Variants in ELMO3 observed in about 807,000 individuals in gnomAD.
The protein encoded by ELMO3 is engulfment and cell motility protein 3.
In ELMO3, 81 loss-of-function variants were observed where a neutral mutation model predicts 89.0. The observed-to-expected ratio is 0.91, with a 90% CI of 0.76 to 1.09. ELMO3 has a LOEUF of 1.09. Ranked by LOEUF, ELMO3 falls within the 50% of genes least tolerant of loss-of-function variation. The pLI is 0.00. For missense variants in ELMO3, 959 were observed against 972.8 expected (o/e 0.99, Z 0.19); for synonymous variants, 406 against 400.6 (o/e 1.01, Z -0.16).
Position 67,200,268 on chromosome 16 carries a change from T to A in ELMO3, c.320T>A (p.Leu107His). The change falls in exon 5 of 20, where the codon CTT becomes CAT. Residue 107 changes from leucine to histidine, a missense_variant. By Grantham distance (99) the Leu-to-His change is moderately conservative. Coordinates refer to ENST00000393997, the MANE Select transcript of ELMO3 (RefSeq NM_024712.5). ...PEGRREALRRLVPLASDMIFA... is the reference protein window; with the variant it reads ...PEGRREALRRHVPLASDMIFA... Reference sequence around the variant, plus strand: ...GGGCGCCGGGAAGCCCTGAGGCGCCTTGTTCCGCTGGCCTCGGACATGATC... The same window carrying A: ...GGGCGCCGGGAAGCCCTGAGGCGCCATGTTCCGCTGGCCTCGGACATGATC... The A allele has an allele frequency of 6.2e-7, 1 of 1,613,796 alleles. No individual in the cohort carries two copies.
At chr16:67,201,269 G>A in intron 8 of ELMO3, 116 bp from the exon 9 acceptor site, 1 of 1,217,596 alleles carries the variant, frequency 8.2e-7, no homozygotes, top group Non-Finnish European at 1.2e-6. Flanking sequence ...GTGTTAGCCA[G>A]GTTGGCCTCC....
intron 4 of ELMO3, 92 bp from the exon 5 acceptor site, chr16:67,200,099 GC>G: frequency 6.4e-7 from 1 of 1,568,198 alleles, no homozygotes; most frequent in Non-Finnish European, 8.6e-7. Flanking sequence ...CCTGCCTTGC[GC>G]CACCTAGTTG....
chr16:67,201,050 T>C lies in ELMO3; in HGVS notation c.744+82T>C, dbSNP rs111991141. The C allele has an allele frequency of 6.6e-3, 2,172 of 328,742 alleles. 5 individuals carry two copies. The highest frequency in any genetic ancestry group is 0.012 in the Middle Eastern group (9 of 730). The allele number at this position is 328,742 out of a possible 1,614,324, so 20.4% of individuals were successfully genotyped here. A position where few individuals can be genotyped will look rare whatever the true frequency, so the allele number is the denominator to read the frequency against. ...TGAAGCAAAATCCTCTAAGCCCCCCTTTTTTTTTTTTTTGAGATGGAGTCT... is the reference window on the plus strand; with the variant it reads ...TGAAGCAAAATCCTCTAAGCCCCCCCTTTTTTTTTTTTTGAGATGGAGTCT... On this transcript the variant is annotated intron_variant, in intron 8 of 19. Transcript: ENST00000393997.
At position 67,199,785 on chromosome 16, in the gene ELMO3, C is replaced by T. The variant is rs200909508; in HGVS notation, c.192+29C>T. The T allele has an allele frequency of 1.7e-3, 2,732 of 1,607,712 alleles. 7 individuals carry two copies. Among genetic ancestry groups the T allele is most frequent in the Non-Finnish European group, 2.1e-3 (2,469 of 1,177,708 alleles). On this transcript the variant is annotated intron_variant, in intron 3 of 19. Transcript: ENST00000393997. ...AGTCCCCTCTCCCCAGCCCCAAGCT[C>T]GGCCTTCCGACCCCTCTAACCCACC... is the stretch of plus-strand genomic sequence containing the variant.
At chr16:67,201,473 C>G (rs1367247305) in intron 9 of ELMO3, 38 bp downstream of exon 9, 2 of 1,614,024 alleles carry the variant, frequency 1.2e-6, no homozygotes, top group South Asian at 2.2e-5. Context: ...CTCTGCCCCT[C>G]CCTCCCCGTG....
At chr16:67,199,456 G>A (rs993687114) in intron 1 of ELMO3, 52 bp downstream of exon 1, 2 of 1,593,152 alleles carry the variant, frequency 1.3e-6, no homozygotes, top group African/African-American at 2.7e-5. Flanking sequence ...CCTCCCGGTA[G>A]CCCCCTGGCC....
Position 67,200,720 on chromosome 16 carries a change from C to G in ELMO3, c.577C>G (p.Leu193Val), listed in dbSNP as rs1316594987. The change falls in exon 7 of 20, where the codon CTG becomes GTG. Residue 193 changes from leucine (L) to valine (V), a missense_variant. Physicochemically the swap from Leu to Val is conservative, Grantham distance 32. Coordinates refer to ENST00000393997, the MANE Select transcript of ELMO3 (RefSeq NM_024712.5). ...CGTGCCTCCCCTGGCCCTTGGGCTG[C>G]TGGAGAGTGTGACCTTGAGCAGCCC... Reference protein sequence around the residue: ...ASVPPLALGLLESVTLSSPAL... With the variant: ...ASVPPLALGLVESVTLSSPAL... 1.9e-6 allele frequency: 3 copies of G among 1,613,528 alleles called. No individual in the cohort carries two copies. The highest frequency in any genetic ancestry group is 1.3e-5 in the African/African-American group (1 of 74,926).
At position 67,199,606 on chromosome 16, in the gene ELMO3, G is replaced by A. The variant is rs115994559; in HGVS notation, c.119+13G>A. The A allele has an allele frequency of 0.012, 19,261 of 1,608,856 alleles. 1,045 individuals carry two copies. In the African/African-American group the frequency reaches 0.14, roughly 12 times the overall value. On this transcript the variant is annotated intron_variant, in intron 2 of 19. Coordinates refer to ENST00000393997, the MANE Select transcript of ELMO3 (RefSeq NM_024712.5). ...AGGTGTGCGACGCGTGAGTGCTGCC[G>A]GGCCAGGGCCTGCGGAGGGCGGGAG...
At chr16:67,200,846 G>A (rs780940015) in intron 7 of ELMO3, 38 bp downstream of exon 7, 7 of 1,613,620 alleles carry the variant, frequency 4.3e-6, no homozygotes, top group Non-Finnish European at 5.1e-6. Context: ...GCAGGGAGCA[G>A]GGCTGGAGCC....
Position 67,203,789 on chromosome 16 carries a change from A to G in ELMO3, c.2075A>G (p.Asn692Ser). ...ETKLRLLELE[N>S]VPIPERPPPV... ...AAGCTGCGTCTGCTGGAGCTGGAGA[A>G]CGTGCCCATCCCCGAGCGGCCACCC... The change falls in exon 20 of 20, where the codon AAC becomes AGC. Residue 692 changes from asparagine (N) to serine (S), a missense_variant. By Grantham distance (46) the Asn-to-Ser change is conservative. Coordinates refer to ENST00000393997, the MANE Select transcript of ELMO3 (RefSeq NM_024712.5). The surrounding 1 kb of genome is among the most constrained non-coding windows in gnomAD (Gnocchi z 4.6). 6.2e-7 allele frequency: 1 copy of G among 1,612,760 alleles called. No individual in the cohort carries two copies. The highest frequency in any genetic ancestry group is 8.5e-7 in the Non-Finnish European group (1 of 1,179,862).
chr16:67,199,187 T>C lies in ELMO3; in HGVS notation c.-140T>C. 6.2e-7 allele frequency: 1 copy of C among 1,610,784 alleles called. No homozygotes were observed. Among genetic ancestry groups the C allele is most frequent in the East Asian group, 2.2e-5 (1 of 44,848 alleles). ...CGTTGCATGGCCAGGAGCAGCAGTC[T>C]GGGCCGCGAGTGCGGGACACCGAGG... On this transcript the variant is annotated 5_prime_UTR_variant, in exon 1 of 20. Coordinates refer to ENST00000393997, the MANE Select transcript of ELMO3 (RefSeq NM_024712.5).
At position 67,203,268 on chromosome 16, in the gene ELMO3, C is replaced by T; in HGVS notation, c.1780+45C>T. 1 of 1,589,748 alleles carries T rather than the reference C, an allele frequency of 6.3e-7. No individual in the cohort carries two copies. Among genetic ancestry groups the T allele is most frequent in the Non-Finnish European group, 8.5e-7 (1 of 1,172,082 alleles). ...GGGCCAGATACCTGCTCTCCCCAGA[C>T]CGCCCTGGGCCCCGGGGCTGCCAGG... is the stretch of plus-strand genomic sequence containing the variant. On this transcript the variant is annotated intron_variant, in intron 17 of 19. Transcript: ENST00000393997. The surrounding 1 kb of genome is among the most constrained non-coding windows in gnomAD (Gnocchi z 4.6).
Position 67,202,292 on chromosome 16 carries a change from G to A in ELMO3, c.1261+8G>A. ...TCCGTGTTGGGGAGCCCTGTGAGTG[G>A]CCTGGACTGGGCACAGCATGGCCAA... is the stretch of plus-strand genomic sequence containing the variant. On this transcript the variant is annotated splice_region_variant and intron_variant, in intron 13 of 19. Coordinates refer to ENST00000393997, the MANE Select transcript of ELMO3 (RefSeq NM_024712.5). 4.3e-6 allele frequency: 7 copies of A among 1,612,086 alleles called. No individual in the cohort carries two copies. The highest frequency in any genetic ancestry group is 1.1e-5 in the South Asian group (1 of 91,000).
Position 67,200,209 on chromosome 16 carries a change from G to A in ELMO3, c.261G>A (p.Gln87=). 1 of 1,613,130 alleles carries A rather than the reference G, an allele frequency of 6.2e-7. No individual in the cohort carries two copies. Among genetic ancestry groups the A allele is most frequent in the South Asian group, 1.1e-5 (1 of 91,052 alleles). Residue 87 remains glutamine (Q), a synonymous_variant, in exon 5 of 20, where the codon CAG becomes CAA. Transcript: ENST00000393997. The part of the protein sequence containing the change: ...LSTAPDLEAE[Q]LLGGLQSNSP... ...CCTGCCAGGACCTTGAGGCTGAGCA[G>A]CTCTTGGGTGGGCTGCAGAGTAACA...
rs1597280055 is a variant in ELMO3, at chr16:67,200,730, T to C, written c.587T>C (p.Val196Ala). The change falls in exon 7 of 20, where the codon GTG becomes GCG. Residue 196 changes from valine to alanine, a missense_variant. Coordinates refer to ENST00000393997, the MANE Select transcript of ELMO3 (RefSeq NM_024712.5). ...PPLALGLLES[V>A]TLSSPALGQL... Reference sequence around the variant, plus strand: ...CTGGCCCTTGGGCTGCTGGAGAGTGTGACCTTGAGCAGCCCAGCCCTGGGC... The same window carrying C: ...CTGGCCCTTGGGCTGCTGGAGAGTGCGACCTTGAGCAGCCCAGCCCTGGGC... The C allele has an allele frequency of 1.2e-6, 2 of 1,613,598 alleles. No homozygotes were observed. The highest frequency in any genetic ancestry group is 1.1e-5 in the South Asian group (1 of 91,084).
rs1567692504 is a variant in ELMO3 at position 67,202,027 on chromosome 16, C to G, written c.1101C>G (p.Ala367=). 1.1e-5 allele frequency: 17 copies of G among 1,613,448 alleles called. No individual in the cohort carries two copies. The highest frequency in any genetic ancestry group is 1.4e-5 in the Non-Finnish European group (17 of 1,180,034). Residue 367 remains alanine (A), a synonymous_variant, in exon 12 of 20, where the codon GCC becomes GCG. Transcript: ENST00000393997. ...AGCGCGTGCCCCCCGGTCTGCTGGCCCTGGACAACATGTTGTACTTCTCCA... is the reference window on the plus strand; with the variant it reads ...AGCGCGTGCCCCCCGGTCTGCTGGCGCTGGACAACATGTTGTACTTCTCCA... The part of the protein sequence containing the change: ...DLERVPPGLL[A]LDNMLYFSRN...
chr16:67,199,570 T>C lies in ELMO3; in HGVS notation c.96T>C (p.Ala32=), dbSNP rs1337629197. The C allele has an allele frequency of 1.2e-6, 2 of 1,605,408 alleles. No individual in the cohort carries two copies. Among genetic ancestry groups the C allele is most frequent in the South Asian group, 2.2e-5 (2 of 90,708 alleles). The stretch of plus-strand genomic sequence containing the variant: ...ACTTGCAGGCGAAGCCCCTGGCCGC[T>C]GTGCTGAAGGAGGTGTGCGACGCGT... The part of the protein sequence containing the change: ...IQLDQAKPLA[A]VLKEVCDAWS... Residue 32 remains alanine, a synonymous_variant, in exon 2 of 20, where the codon GCT becomes GCC. Coordinates refer to ENST00000393997, the MANE Select transcript of ELMO3 (RefSeq NM_024712.5).
In ELMO3 at chr16:67,202,406, C is replaced by T. The variant is rs755961572; in HGVS notation, c.1271C>T (p.Thr424Ile). 2 of 1,613,902 alleles carry T rather than the reference C, an allele frequency of 1.2e-6. No individual in the cohort carries two copies. ...TGCCCCCCCACTCCAGGCTCTGAGACAGCCCAGGACTTCTCACCCATGTTC... is the reference window on the plus strand; with the variant it reads ...TGCCCCCCCACTCCAGGCTCTGAGATAGCCCAGGACTTCTCACCCATGTTC... ...LLRVGEPCSE[T>I]AQDFSPMFFG... Residue 424 changes from threonine (T) to isoleucine (I), a missense_variant, in exon 14 of 20, where the codon ACA becomes ATA. Physicochemically the swap from Thr to Ile is moderately conservative, Grantham distance 89. Coordinates refer to ENST00000393997, the MANE Select transcript of ELMO3 (RefSeq NM_024712.5).
In ELMO3 at chr16:67,200,668, C is replaced by T. The variant is rs374934575; in HGVS notation, c.525C>T (p.Tyr175=). 26 of 1,612,892 alleles carry T rather than the reference C, an allele frequency of 1.6e-5. No individual in the cohort carries two copies. Among genetic ancestry groups the T allele is most frequent in the Admixed American group, 5.0e-5 (3 of 59,990 alleles). ...CCCGCCCCTTACAGGTGGTGTGCTA[C>T]GTGAACATGAACCTCATGGATGCCT... is the stretch of plus-strand genomic sequence containing the variant. ...SIPFVRKVVC[Y]VNMNLMDASV... Residue 175 remains tyrosine (Y), a synonymous_variant, in exon 7 of 20, where the codon TAC becomes TAT. Coordinates refer to ENST00000393997, the MANE Select transcript of ELMO3 (RefSeq NM_024712.5).
Sources: gnomAD v4.1 joint callset for allele counts on GRCh38, gnomAD v4.1.1 for gene constraint, Gnocchi (gnomAD v3.1) non-coding constraint, MANE v1.5 for transcripts, NCBI Gene and HGNC (gene_info 2026-07-23, HGNC 2026-07-21) for gene names.